The following HIVEP3 variants were observed in gnomAD, a reference collection of about 807,000 sequenced individuals.
The protein encoded by HIVEP3 is transcription factor HIVEP3.
In HIVEP3, 49 loss-of-function variants were observed where a neutral mutation model predicts 152.8. The observed-to-expected ratio is 0.32, with a 90% CI of 0.26 to 0.41. The LOEUF is 0.41. HIVEP3 is among the 10% of genes least tolerant of loss of function. HIVEP3 has a pLI of 1.00. For missense variants in HIVEP3, 2,790 were observed against 3,103.3 expected, an observed-to-expected ratio of 0.90 and a Z score of 2.40; for synonymous variants, 1,269 against 1,289.0, an observed-to-expected ratio of 0.98 and a Z score of 0.33.
At chr1:41,749,403 A>T (rs907455652) in intron 1 of HIVEP3, among the ~76,000 whole-genome samples, 1 of 16,718 alleles carries the variant, frequency 6.0e-5, no homozygotes, top group African/African-American at 8.8e-5. Context: ...CTTAGAAAAA[A>T]TTGTGTGTGT....
chr1:41,535,332 C>T (rs977900415), intron 5 of HIVEP3: 2 of 152,200 alleles, frequency 1.3e-5, no homozygotes, highest in Non-Finnish European at 2.9e-5. Context: ...CGGGGAAGAG[C>T]CAGGGTGGGA....
At chr1:41,566,898 T>C (rs991283646) in intron 5 of HIVEP3, among the ~76,000 whole-genome samples, 3 of 152,230 alleles carry the variant, frequency 2.0e-5, no homozygotes, top group Non-Finnish European at 4.4e-5. Flanking sequence ...TTTTCTTTTC[T>C]TTCTTCTCCA....
chr1:41,954,922 C>A (rs1417131787), intron 1 of HIVEP3, among the ~76,000 whole-genome samples: 3 of 151,762 alleles, frequency 2.0e-5, no homozygotes, highest in South Asian at 4.2e-4. Context: ...TAAATGATAT[C>A]CATTGTTATT....
At chr1:41,777,369 C>T (rs1302591225) in intron 1 of HIVEP3, among the ~76,000 whole-genome samples, 5 of 152,226 alleles carry the variant, frequency 3.3e-5, no homozygotes, top group Non-Finnish European at 5.9e-5. Context: ...TCTGCAGGAA[C>T]ACTGGGCATT....
intron 1 of HIVEP3, among the ~76,000 whole-genome samples, chr1:41,869,948 A>C (rs1644049573): frequency 6.6e-6 from 1 of 152,246 alleles, no homozygotes; most frequent in Non-Finnish European, 1.5e-5. Flanking sequence ...ATTATTAAGG[A>C]ACAAATCTTA....
At chr1:41,929,069 T>C (rs1183700808) in intron 1 of HIVEP3, among the ~76,000 whole-genome samples, 3 of 152,186 alleles carry the variant, frequency 2.0e-5, no homozygotes, top group African/African-American at 4.8e-5. Flanking sequence ...GCACACACCA[T>C]GTTTCTCAAA....
At chr1:41,926,303 T>C (rs780833830) in intron 1 of HIVEP3, among the ~76,000 whole-genome samples, 4 of 152,318 alleles carry the variant, frequency 2.6e-5, no homozygotes, top group Non-Finnish European at 4.4e-5. Context: ...GTTAATTTCC[T>C]GGACCCCACT....
rs1644428777 is a variant in HIVEP3, at chr1:41,510,156, T to C, written c.*295A>G. ...CCACAGCGGGGAGGGTCAGGAGGCT[T>C]CACCATCAGCCTTTCCCCAAAACCA... On this transcript the variant is annotated 3_prime_UTR_variant, in exon 9 of 9. Transcript: ENST00000372583. 1 of 276,942 alleles carries C rather than the reference T, an allele frequency of 3.6e-6. No homozygotes were observed. Among genetic ancestry groups the C allele is most frequent in the African/African-American group, 2.2e-5 (1 of 45,724 alleles). The allele number at this position is 276,942 out of a possible 1,614,324, so 17.2% of individuals were successfully genotyped here.
intron 3 of HIVEP3, among the ~76,000 whole-genome samples, chr1:41,619,237 GCTC>G (rs1189339724): frequency 6.6e-6 from 1 of 151,952 alleles, no homozygotes; most frequent in African/African-American, 2.4e-5. Flanking sequence ...CCCAGCACTT[GCTC>G]CTCGCCTCCC....
In HIVEP3 at chr1:41,936,539, A is replaced by G. The variant is rs1360309499; in HGVS notation, n.120-18015T>C. 2.0e-5 allele frequency among the ~76,000 whole-genome samples: 3 copies of G among 152,364 alleles called. No individual in the cohort carries two copies. The East Asian group carries it at 5.8e-4, about 29-fold the overall frequency. ...ACTCCACTTAAGAAGGTGGGAAAATATAAAATATCACAGAGTAATATTTCC... is the reference window on the plus strand; with the variant it reads ...ACTCCACTTAAGAAGGTGGGAAAATGTAAAATATCACAGAGTAATATTTCC... On this transcript the variant is annotated intron_variant and non_coding_transcript_variant, in intron 1 of 3. Coordinates refer to the HIVEP3 transcript ENST00000489103.
chr1:41,803,430 C>T (rs1650419635), intron 1 of HIVEP3, among the ~76,000 whole-genome samples: 1 of 152,326 alleles, frequency 6.6e-6, no homozygotes, highest in South Asian at 2.1e-4. Context: ...CTACTAATGA[C>T]CCCAACTGCA....
At chr1:41,812,888 T>C (rs1302469800) in intron 1 of HIVEP3, among the ~76,000 whole-genome samples, 2 of 22,976 alleles carry the variant, frequency 8.7e-5, no homozygotes, top group Admixed American at 5.3e-4. Context: ...GTGGAGGGGG[T>C]GGGGGGCGGT....
intron 5 of HIVEP3, among the ~76,000 whole-genome samples, chr1:41,566,865 C>T (rs1386500722): frequency 1.3e-5 from 2 of 152,168 alleles, no homozygotes; most frequent in Non-Finnish European, 2.9e-5. Flanking sequence ...ATGCTGGTAT[C>T]CTGGGATCAG....
chr1:41,759,999 A>G (rs963991087), intron 1 of HIVEP3, among the ~76,000 whole-genome samples: 2 of 152,184 alleles, frequency 1.3e-5, no homozygotes, highest in African/African-American at 2.4e-5. Context: ...CCTATGCTTC[A>G]GTCTCATCTA....
At chr1:41,555,579 G>A (rs796711976) in intron 5 of HIVEP3, among the ~76,000 whole-genome samples, 6 of 152,286 alleles carry the variant, frequency 3.9e-5, no homozygotes, top group African/African-American at 1.2e-4. Flanking sequence ...CTTCTGCGTC[G>A]ATCACGCTGG....
chr1:41,527,381 C>T (rs1275466639), intron 5 of HIVEP3, among the ~76,000 whole-genome samples: 3 of 66,856 alleles, frequency 4.5e-5, no homozygotes, highest in South Asian at 4.5e-4. Flanking sequence ...TGCACTCACA[C>T]TCGCACTCAC....
intron 1 of HIVEP3, among the ~76,000 whole-genome samples, chr1:41,748,409 A>G (rs1161108289): frequency 6.6e-6 from 1 of 152,206 alleles, no homozygotes; most frequent in Non-Finnish European, 1.5e-5. Context: ...TGGAGAGGTC[A>G]TTTCCTCATC....
At chr1:41,800,394 G>A (rs930593144) in intron 1 of HIVEP3, among the ~76,000 whole-genome samples, 1 of 152,166 alleles carries the variant, frequency 6.6e-6, no homozygotes, top group Non-Finnish European at 1.5e-5. Context: ...TGGAGGAGCT[G>A]GGTCTGGCCC....
At chr1:41,615,451 G>C (rs1446209723) in intron 3 of HIVEP3, among the ~76,000 whole-genome samples, 1 of 152,220 alleles carries the variant, frequency 6.6e-6, no homozygotes, top group East Asian at 1.9e-4. Flanking sequence ...CTTAAGTGGG[G>C]TCTAAAGTCC....
Sources: gnomAD v4.1 joint callset for allele counts (sites outside exome capture counted in the v4.1 genomes callset) on GRCh38, gnomAD v4.1.1 for gene constraint, MANE v1.5 for transcripts, NCBI Gene and HGNC (gene_info 2026-07-23, HGNC 2026-07-21) for gene names.